Variants in CBX2 observed in about 807,000 individuals in gnomAD.
CBX2 encodes chromobox protein homolog 2.
A neutral mutation model predicts 21.0 loss-of-function variants in CBX2; 11 were observed. That is an observed-to-expected ratio of 0.52 (90% CI 0.33 to 0.87). The LOEUF (loss-of-function observed/expected upper bound fraction) is 0.87. Among genes scored for constraint, CBX2 ranks in the 40% least tolerant of loss-of-function variants. The pLI is 0.02. For missense variants in CBX2, 746 were observed against 724.3 expected, an observed-to-expected ratio of 1.03 and a Z score of -0.34; for synonymous variants, 364 against 304.6, an observed-to-expected ratio of 1.19 and a Z score of -2.03.
At chr17:79,781,889 G>A (rs372221174) in intron 4 of CBX2, 88 bp downstream of exon 4, 3 of 1,614,194 alleles carry the variant, frequency 1.9e-6, no homozygotes, top group Middle Eastern at 1.6e-4. Flanking sequence ...GGGGCCCTCA[G>A]GAAGGGGGTG....
chr17:79,777,326 C>A (rs1462548553), upstream of CBX2, among the ~76,000 whole-genome samples: 2 of 152,208 alleles, frequency 1.3e-5, no homozygotes, highest in Non-Finnish European at 2.9e-5. Context: ...TTAGGAACAG[C>A]CTTGCAAACC....
At chr17:79,781,369 G>A (rs1408589772) in intron 3 of CBX2, among the ~76,000 whole-genome samples, 3 of 152,122 alleles carry the variant, frequency 2.0e-5, no homozygotes, top group African/African-American at 7.2e-5. Flanking sequence ...GGCCACTTCT[G>A]GTTAGAATAT....
intron 3 of CBX2, 94 bp from the exon 4 acceptor site, chr17:79,781,602 C>A: frequency 9.3e-7 from 1 of 1,078,194 alleles, no homozygotes; most frequent in Non-Finnish European, 1.4e-6. Flanking sequence ...TATTACAGGC[C>A]AACAGGAATA....
At chr17:79,782,160 G>A (rs1907272922) in intron 4 of CBX2, 2 of 1,612,716 alleles carry the variant, frequency 1.2e-6, no homozygotes, top group South Asian at 2.2e-5. Flanking sequence ...GTGCTCATAG[G>A]ATTGCCGGCT....
At position 79,785,200 on chromosome 17, in the gene CBX2, G is replaced by A. The variant is rs1474249609; in HGVS notation, c.*158G>A. The A allele has an allele frequency of 7.6e-5, 51 of 667,254 alleles. No homozygotes were observed. The highest frequency in any genetic ancestry group is 5.4e-5 in the East Asian group (2 of 36,868). The allele number at this position is 667,254 out of a possible 1,614,324, so 41.3% of individuals were successfully genotyped here. A position where few individuals can be genotyped will look rare whatever the true frequency, so the allele number is the denominator to read the frequency against. On this transcript the variant is annotated 3_prime_UTR_variant, in exon 5 of 5. Transcript: ENST00000310942. ...GGCAGGCTTGGAAGGGACTTCTCCC[G>A]CACCCCACTCTGTCCCAGGACATAG...
chr17:79,778,260 G>C lies in CBX2; in HGVS notation c.25G>C (p.Glu9Gln), dbSNP rs868981366. The C allele has an allele frequency of 1.2e-5, 18 of 1,520,438 alleles. No individual in the cohort carries two copies. Among genetic ancestry groups the C allele is most frequent in the Non-Finnish European group, 1.5e-5 (17 of 1,139,804 alleles). 94.2% of individuals were successfully genotyped at this position (1,520,438 alleles called of 1,614,324 possible). A position where few individuals can be genotyped will look rare whatever the true frequency, so the allele number is the denominator to read the frequency against. The change falls in exon 1 of 5, where the codon GAG (glutamate) becomes CAG (glutamine). Residue 9 changes from glutamate to glutamine, a missense_variant. Coordinates refer to ENST00000310942, the MANE Select transcript of CBX2 (RefSeq NM_005189.3). This position sits in a 1 kb window ranked among gnomAD's most constrained non-coding sequence, Gnocchi z 4.8. MEELSSVG[E>Q]QVFAAECILS... ...CATGGAGGAGCTGAGCAGCGTGGGC[G>C]AGCAGGTCTTCGCCGCCGAGTGCAT...
chr17:79,778,131 C>T (rs1387611862), upstream of CBX2: 3 of 422,984 alleles, frequency 7.1e-6, no homozygotes, highest in Non-Finnish European at 9.4e-6. The surrounding 1 kb of genome is among the most constrained non-coding windows in gnomAD (Gnocchi z 4.8). Flanking sequence ...CGGGGCGGGC[C>T]GGCGCCGGGC....
chr17:79,783,532 C>T (rs1343709233), intron 4 of CBX2, among the ~76,000 whole-genome samples, 200 bp from the exon 5 acceptor site: 1 of 152,052 alleles, frequency 6.6e-6, no homozygotes. Context: ...GCCTCAGCCT[C>T]TGCAGTAGCT....
chr17:79,785,207 A>T lies in CBX2; in HGVS notation c.*165A>T. ...TTGGAAGGGACTTCTCCCGCACCCC[A>T]CTCTGTCCCAGGACATAGGGCAGGG... On this transcript the variant is annotated 3_prime_UTR_variant, in exon 5 of 5. Coordinates refer to ENST00000310942, the MANE Select transcript of CBX2 (RefSeq NM_005189.3). 4.6e-6 allele frequency: 3 copies of T among 655,974 alleles called. No homozygotes were observed. Among genetic ancestry groups the T allele is most frequent in the Non-Finnish European group, 8.2e-6 (3 of 368,034 alleles). 40.6% of individuals were successfully genotyped at this position (655,974 alleles called of 1,614,324 possible).
Position 79,784,498 on chromosome 17 carries a change from G to A in CBX2, c.1055G>A (p.Ser352Asn), listed in dbSNP as rs1555831250. ...CAGCCAGCACCCACCCAGGAGCTGA[G>A]CCTCCAGGTCTTGGACTTGCAGAGT... ...GPQPAPTQEL[S>N]LQVLDLQSVK... The change falls in exon 5 of 5, where the codon AGC becomes AAC. Residue 352 changes from serine to asparagine, a missense_variant. By Grantham distance (46) the Ser-to-Asn change is conservative. Transcript: ENST00000310942. The surrounding 1 kb of genome is among the most constrained non-coding windows in gnomAD (Gnocchi z 5.9). 6.2e-7 allele frequency: 1 copy of A among 1,612,792 alleles called. No homozygotes were observed. The highest frequency in any genetic ancestry group is 8.5e-7 in the Non-Finnish European group (1 of 1,179,936).
upstream of CBX2, chr17:79,778,017 C>T (rs1408072913): frequency 6.9e-6 from 1 of 145,074 alleles, no homozygotes; most frequent in Non-Finnish European, 1.5e-5. The surrounding 1 kb of genome is among the most constrained non-coding windows in gnomAD (Gnocchi z 4.8). Context: ...CCCGCCCCGC[C>T]CCGCACCCGC....
intron 4 of CBX2, among the ~76,000 whole-genome samples, chr17:79,783,290 C>T (rs1555830838): frequency 6.6e-6 from 1 of 152,204 alleles, no homozygotes; most frequent in African/African-American, 2.4e-5. Flanking sequence ...TTCCTGACTG[C>T]CTCTCTGGTC....
In CBX2 at chr17:79,778,355, G is replaced by A; in HGVS notation, c.73-29G>A. ...CCCGCCCGCCGCCCGCTGTCCGTCT[G>A]GCTCACGGCCCCTCTTCTCTCCCCG... On this transcript the variant is annotated intron_variant, in intron 1 of 4. Coordinates refer to ENST00000310942, the MANE Select transcript of CBX2 (RefSeq NM_005189.3). The surrounding 1 kb of genome is among the most constrained non-coding windows in gnomAD (Gnocchi z 4.8). 1 of 1,581,458 alleles carries A rather than the reference G, an allele frequency of 6.3e-7. No individual in the cohort carries two copies. Among genetic ancestry groups the A allele is most frequent in the Non-Finnish European group, 8.6e-7 (1 of 1,168,866 alleles).
Position 79,785,090 on chromosome 17 carries a change from T to C in CBX2, c.*48T>C. The C allele has an allele frequency of 2.2e-5, 33 of 1,503,114 alleles. No homozygotes were observed. The highest frequency in any genetic ancestry group is 3.0e-5 in the Non-Finnish European group (33 of 1,093,254). 93.1% of individuals were successfully genotyped at this position (1,503,114 alleles called of 1,614,324 possible). ...CGGTCTTACTCCCCTTCCCTGCCTA[T>C]GGTGTCGCTTGGCTAAGTGACTCCC... On this transcript the variant is annotated 3_prime_UTR_variant, in exon 5 of 5. Transcript: ENST00000310942.
rs962822140 is a variant in CBX2 at position 79,787,788 on chromosome 17, A to G, written c.*2746A>G. The stretch of plus-strand genomic sequence containing the variant: ...GATGTTAGCATATTTTTATATGTAT[A>G]TATTTTGTACCAAAAAAGAGTGTTC... On this transcript the variant is annotated 3_prime_UTR_variant, in exon 5 of 5. Transcript: ENST00000310942. The G allele has an allele frequency of 6.6e-6, 1 of 152,154 alleles. No individual in the cohort carries two copies. 9.4% of individuals were successfully genotyped at this position (152,154 alleles called of 1,614,324 possible). A position where few individuals can be genotyped will look rare whatever the true frequency, so the allele number is the denominator to read the frequency against.
At chr17:79,781,947 C>A (rs1568500661) in intron 4 of CBX2, 146 bp downstream of exon 4, 1 of 1,614,074 alleles carries the variant, frequency 6.2e-7, no homozygotes, top group Non-Finnish European at 8.5e-7. Context: ...CAGGAGCCCC[C>A]TTTCTTCCTG....
chr17:79,779,771 T>G, intron 3 of CBX2: 1 of 344,272 alleles, frequency 2.9e-6, no homozygotes, highest in Non-Finnish European at 5.7e-6. Context: ...AATTTGCACA[T>G]GGCGCTAACA....
Position 79,785,117 on chromosome 17 carries a change from G to T in CBX2, c.*75G>T. 4 of 1,301,674 alleles carry T rather than the reference G, an allele frequency of 3.1e-6. No homozygotes were observed. The highest frequency in any genetic ancestry group is 2.2e-6 in the Non-Finnish European group (2 of 913,300). The allele number at this position is 1,301,674 out of a possible 1,614,324, so 80.6% of individuals were successfully genotyped here. ...GTGTCGCTTGGCTAAGTGACTCCCA[G>T]CCCAAGCCCCCTCAAGAGTCTGGGT... On this transcript the variant is annotated 3_prime_UTR_variant, in exon 5 of 5. Coordinates refer to ENST00000310942, the MANE Select transcript of CBX2 (RefSeq NM_005189.3).
chr17:79,783,793 C>G lies in CBX2; in HGVS notation c.350C>G (p.Ser117Cys), dbSNP rs370886407. 2.5e-6 allele frequency: 4 copies of G among 1,580,830 alleles called. No individual in the cohort carries two copies. The highest frequency in any genetic ancestry group is 3.4e-6 in the Non-Finnish European group (4 of 1,163,562). Residue 117 changes from serine (S) to cysteine (C), a missense_variant, in exon 5 of 5, where the codon TCC (serine) becomes TGC (cysteine). This residue lies in a region of CBX2 where 701 missense variants were observed against 650.7 expected (regional missense o/e 1.08). Transcript: ENST00000310942. ...TCCTCCTCTTCCTCCACGTCATCCT[C>G]CTCTTCCTCAGATGAAGAGGATGAC... ...SSSSSSSTSSSSSSDEEDDSD... is the reference protein window; with the variant it reads ...SSSSSSSTSSCSSSDEEDDSD...
Sources: allele counts gnomAD v4.1 joint callset (sites outside exome capture counted in the v4.1 genomes callset), GRCh38; gene constraint gnomAD v4.1.1; regional missense constraint gnomAD v4.1.1; non-coding constraint Gnocchi (gnomAD v3.1); transcripts MANE v1.5; gene names NCBI Gene and HGNC (gene_info 2026-07-23, HGNC 2026-07-21).